Variants in RBM23 observed in about 807,000 individuals in gnomAD.
RBM23 encodes RNA binding motif protein 23.
Under a neutral mutation model 56.2 loss-of-function variants are expected in RBM23, and 53 were observed. The ratio of observed to expected loss-of-function variants is 0.94; its 90% CI spans 0.76 to 1.19. RBM23 has a LOEUF of 1.19. RBM23 is among the 50% of genes most tolerant of loss of function. The probability of loss-of-function intolerance (pLI) is 0.00; values close to 1 mark genes in which losing one functional copy is unlikely to be tolerated. For missense variants in RBM23, 642 were observed against 590.3 expected (o/e 1.09, Z -0.91); for synonymous variants, 197 against 198.5 (o/e 0.99, Z 0.06).
chr14:22,904,044 C>A, intron 10 of RBM23: 1 of 1,498,308 alleles, frequency 6.7e-7, no homozygotes, highest in Non-Finnish European at 8.9e-7. Flanking sequence ...CTCCTGAACA[C>A]CCCCATACCA....
rs2040650799 is a variant in RBM23 at position 22,902,179 on chromosome 14, T to C, written c.1126+8A>G. 1 of 1,613,164 alleles carries C rather than the reference T, an allele frequency of 6.2e-7. No individual in the cohort carries two copies. ...CCCCATAATCTTCACCTTGCGGAGA[T>C]ATTTTACCTTCTGCCAGTTTTGCCA... On this transcript the variant is annotated splice_region_variant and intron_variant, in intron 11 of 13. Transcript: ENST00000359890.
Position 22,901,857 on chromosome 14 carries a change from A to AG in RBM23, c.1272dup (p.Ser425LeufsTer51), listed in dbSNP as rs1566520178. ...AGGCTGGAGAGCTGGAAACACTGGG[A>AG]GGCAAGGTTCAGGGCTGGACTCAGA... On this transcript the variant is annotated frameshift_variant, in exon 13 of 14. Transcript: ENST00000359890. LOFTEE classifies it high-confidence loss of function. 6.2e-7 allele frequency: 1 copy of AG among 1,614,184 alleles called. No individual in the cohort carries two copies. Among genetic ancestry groups the AG allele is most frequent in the Non-Finnish European group, 8.5e-7 (1 of 1,180,022 alleles).
At position 22,904,345 on chromosome 14, in the gene RBM23, T is replaced by C; in HGVS notation, c.865-19A>G. The C allele has an allele frequency of 6.3e-7, 1 of 1,593,582 alleles. No homozygotes were observed. On this transcript the variant is annotated intron_variant, in intron 9 of 13. Coordinates refer to ENST00000359890, the MANE Select transcript of RBM23 (RefSeq NM_001077351.2). ...TATCAATCTGTAGAAGAGTGAGAAA[T>C]TATCAGTAAACTTTTGACTAGCCCA...
rs1163397230 is a variant in RBM23 at position 22,906,164 on chromosome 14, CAAAAGTGAATCTATTAGCA to C, written c.401+12_401+30del. On this transcript the variant is annotated intron_variant, in intron 5 of 13. Transcript: ENST00000359890. ...TTGTTGTTTTATCCAGATTATTATACAAAAGTGAATCTATTAGCAAAAAGTGATACCCAGTGGCAAGTGG... is the reference window on the plus strand; with the variant it reads ...TTGTTGTTTTATCCAGATTATTATACAAAAGTGATACCCAGTGGCAAGTGG... 4 of 1,610,950 alleles carry C rather than the reference CAAAAGTGAATCTATTAGCA, an allele frequency of 2.5e-6. No individual in the cohort carries two copies. The African/African-American group carries it at 4.0e-5, about 16-fold the overall frequency.
intron 13 of RBM23, 24 bp downstream of exon 13, chr14:22,901,790 A>G (rs780417760): frequency 6.2e-7 from 1 of 1,614,086 alleles, no homozygotes; most frequent in South Asian, 1.1e-5. Context: ...CAAAGGCTAG[A>G]ATGAGCTAGA....
At position 22,896,547 on chromosome 14, in the gene RBM23, C is replaced by A. The variant is rs8008658; in HGVS notation, c.*5183G>T. The A allele has an allele frequency of 0.027, 4,148 of 152,270 alleles. 71 individuals are homozygous for A. Among genetic ancestry groups the A allele is most frequent in the Middle Eastern group, 0.048 (14 of 294 alleles). The allele number at this position is 152,270 out of a possible 1,614,324, so 9.4% of individuals were successfully genotyped here. ...GTCATTGTTTCTCCTTTCTACAATCCGGCACTGACTGGCTGCTTTCCAGTC... is the reference window on the plus strand; with the variant it reads ...GTCATTGTTTCTCCTTTCTACAATCAGGCACTGACTGGCTGCTTTCCAGTC... On this transcript the variant is annotated 3_prime_UTR_variant, in exon 14 of 14. Coordinates refer to ENST00000359890, the MANE Select transcript of RBM23 (RefSeq NM_001077351.2).
intron 1 of RBM23, chr14:22,916,948 G>C (rs531098593): frequency 6.6e-6 from 1 of 151,754 alleles, no homozygotes; most frequent in South Asian, 2.1e-4. Context: ...GGCTCACTGC[G>C]ACCTCCACCT....
intron 1 of RBM23, chr14:22,911,791 A>C (rs1187243674): frequency 6.4e-6 from 1 of 156,568 alleles, no homozygotes; most frequent in African/African-American, 2.4e-5. Context: ...CACACCTGTA[A>C]TCCCAGCTAC....
At chr14:22,916,867 AGTTT>A (rs1226665776) in intron 1 of RBM23, among the ~76,000 whole-genome samples, 13 of 151,654 alleles carry the variant, frequency 8.6e-5, no homozygotes, top group Non-Finnish European at 1.5e-4. Flanking sequence ...TAAAAAGAAA[AGTTT>A]GTTTTTGTTT....
Position 22,904,963 on chromosome 14 carries a change from T to A in RBM23, c.776A>T (p.Asn259Ile). The change falls in exon 9 of 14, where the codon AAT becomes ATT. Residue 259 changes from asparagine (N) to isoleucine (I), a missense_variant. Coordinates refer to ENST00000359890, the MANE Select transcript of RBM23 (RefSeq NM_001077351.2). The stretch of plus-strand genomic sequence containing the variant: ...CACATAGAGGCGCATTGGTCCACCA[T>A]TGCCCTTTTGCAGGTTGTTGGCCAT... ...AAMANNLQKGNGGPMRLYVGS... is the reference protein window; with the variant it reads ...AAMANNLQKGIGGPMRLYVGS... 4 of 1,614,218 alleles carry A rather than the reference T, an allele frequency of 2.5e-6. No individual in the cohort carries two copies. Among genetic ancestry groups the A allele is most frequent in the Non-Finnish European group, 3.4e-6 (4 of 1,180,036 alleles).
intron 4 of RBM23, among the ~76,000 whole-genome samples, 184 bp downstream of exon 4, chr14:22,908,149 T>G (rs180787900): frequency 4.5e-4 from 68 of 152,296 alleles, no homozygotes; most frequent in Non-Finnish European, 7.1e-4. Flanking sequence ...GCCTCCCAAG[T>G]AGCTGGGAGT....
At chr14:22,909,674 T>C (rs2042136864) in intron 2 of RBM23, 79 bp from the exon 3 acceptor site, 3 of 1,060,770 alleles carry the variant, frequency 2.8e-6, no homozygotes, top group African/African-American at 3.1e-5. Flanking sequence ...GGAACAAAGG[T>C]GGACAAGGAA....
chr14:22,906,228 C>G lies in RBM23; in HGVS notation c.368G>C (p.Arg123Pro), dbSNP rs767422029. 4.3e-6 allele frequency: 7 copies of G among 1,614,220 alleles called. No individual in the cohort carries two copies. Among genetic ancestry groups the G allele is most frequent in the Non-Finnish European group, 5.9e-6 (7 of 1,180,036 alleles). Reference protein sequence around the residue: ...SRSRDHRREDRVHYRSPPLAT... With the variant: ...SRSRDHRREDPVHYRSPPLAT... ...AAGTGGAGGACTCCTGTAATGCACA[C>G]GATCCTCACGACGATGGTCCCGACT... Residue 123 changes from arginine (R) to proline (P), a missense_variant, in exon 5 of 14, where the codon CGT (arginine) becomes CCT (proline). By Grantham distance (103) the Arg-to-Pro change is moderately radical. Coordinates refer to ENST00000359890, the MANE Select transcript of RBM23 (RefSeq NM_001077351.2).
Position 22,898,792 on chromosome 14 carries a change from A to C in RBM23, c.*2938T>G, listed in dbSNP as rs544112633. On this transcript the variant is annotated 3_prime_UTR_variant, in exon 14 of 14. Coordinates refer to ENST00000359890, the MANE Select transcript of RBM23 (RefSeq NM_001077351.2). ...GGAGGCAAGGCCTGTGGATATTTATAATAGTCTGAAGGAGCCAAGCCAGCC... is the reference window on the plus strand; with the variant it reads ...GGAGGCAAGGCCTGTGGATATTTATCATAGTCTGAAGGAGCCAAGCCAGCC... 6.6e-6 allele frequency: 1 copy of C among 151,978 alleles called. No homozygotes were observed. The highest frequency in any genetic ancestry group is 1.9e-4 in the East Asian group (1 of 5,146). 9.4% of individuals were successfully genotyped at this position (151,978 alleles called of 1,614,324 possible).
chr14:22,900,219 T>C lies in RBM23; in HGVS notation c.*1511A>G, dbSNP rs2040332857. 1 of 152,022 alleles carries C rather than the reference T, an allele frequency of 6.6e-6. No individual in the cohort carries two copies. The highest frequency in any genetic ancestry group is 1.9e-4 in the East Asian group (1 of 5,194). The allele number at this position is 152,022 out of a possible 1,614,324, so 9.4% of individuals were successfully genotyped here. ...CTGTTATACAAGACCCAAACCCCTTTGGATATTGGATTGGGATCGCTACTA... is the reference window on the plus strand; with the variant it reads ...CTGTTATACAAGACCCAAACCCCTTCGGATATTGGATTGGGATCGCTACTA... On this transcript the variant is annotated 3_prime_UTR_variant, in exon 14 of 14. Transcript: ENST00000359890.
At chr14:22,913,108 A>G (rs919140299) in intron 1 of RBM23, among the ~76,000 whole-genome samples, 1 of 151,250 alleles carries the variant, frequency 6.6e-6, no homozygotes, top group Non-Finnish European at 1.5e-5. Flanking sequence ...GGCTGGGAGA[A>G]AAAGATTTTA....
In RBM23 at chr14:22,904,404, T is replaced by C. The variant is rs1277104619; in HGVS notation, c.865-78A>G. 102 of 1,320,992 alleles carry C rather than the reference T, an allele frequency of 7.7e-5. 1 individual carries two copies. The Middle Eastern group carries it at 1.3e-3, about 17-fold the overall frequency. 81.8% of individuals were successfully genotyped at this position (1,320,992 alleles called of 1,614,324 possible). On this transcript the variant is annotated intron_variant, in intron 9 of 13. Coordinates refer to ENST00000359890, the MANE Select transcript of RBM23 (RefSeq NM_001077351.2). ...ATCTTTCCTACCCAGACTGCTTTTT[T>C]TTTTTTTTTGAGACAGAGTCTCAAA...
chr14:22,903,127 T>C (rs1329653166), intron 10 of RBM23: 3 of 985,344 alleles, frequency 3.0e-6, no homozygotes, highest in Non-Finnish European at 3.6e-6. Flanking sequence ...AATTCCAGGC[T>C]TAAGAGGGAA....
chr14:22,907,709 A>C (rs973529244), intron 4 of RBM23, among the ~76,000 whole-genome samples: 18 of 152,236 alleles, frequency 1.2e-4, no homozygotes, highest in African/African-American at 4.1e-4. Context: ...TCGGTTAACT[A>C]TAAAACAGCC....
Sources: allele counts gnomAD v4.1 joint callset (sites outside exome capture counted in the v4.1 genomes callset), GRCh38; gene constraint gnomAD v4.1.1; transcripts MANE v1.5; gene names NCBI Gene and HGNC (gene_info 2026-07-23, HGNC 2026-07-21).